Variants in BRIP1 observed in about 807,000 individuals in gnomAD.
BRIP1 encodes BRCA1 interacting DNA helicase 1.
Under a neutral mutation model 119.7 loss-of-function variants are expected in BRIP1, and 88 were observed. That is an observed-to-expected ratio of 0.74 (90% CI 0.62 to 0.88). The LOEUF (loss-of-function observed/expected upper bound fraction) is 0.88. Among genes scored for constraint, BRIP1 ranks in the 40% least tolerant of loss-of-function variants. The probability of loss-of-function intolerance (pLI) is 0.00; values close to 1 mark genes in which losing one functional copy is unlikely to be tolerated. For synonymous variants in BRIP1, 443 were observed against 496.5 expected, an observed-to-expected ratio of 0.89 and a Z score of 1.43; for missense variants, 1,259 against 1,455.4, an observed-to-expected ratio of 0.87 and a Z score of 2.20.
rs730881623 is a variant in BRIP1 at position 61,849,242 on chromosome 17, T to A, written c.394A>T (p.Thr132Ser). 3.2e-5 allele frequency: 51 copies of A among 1,612,644 alleles called. No homozygotes were observed. Among genetic ancestry groups the A allele is most frequent in the Admixed American group, 5.0e-5 (3 of 59,934 alleles). ...SSTCQDSPEK[T>S]TLAAKLSAKK... The stretch of plus-strand genomic sequence containing the variant: ...GCAGATAACTTTGCAGCCAGAGTGG[T>A]TTTTTCAGGGGAGTCTTATATAAGT... Residue 132 changes from threonine to serine, a missense_variant, in exon 5 of 20, where the codon ACC (threonine) becomes TCC (serine). This residue lies in a region of BRIP1 where 501 missense variants were observed against 544.0 expected (regional missense o/e 0.92). Coordinates refer to ENST00000259008, the MANE Select transcript of BRIP1 (RefSeq NM_032043.3).
At position 61,789,208 on chromosome 17, in the gene BRIP1, A is replaced by T. The variant is rs1346317267; in HGVS notation, c.1473+4389T>A. Reference sequence around the variant, plus strand: ...CTTAAGACCAGAAATCCAAGGTTACAGTGAGCTATGAATGCACCATTGCAC... The same window carrying T: ...CTTAAGACCAGAAATCCAAGGTTACTGTGAGCTATGAATGCACCATTGCAC... On this transcript the variant is annotated intron_variant, in intron 10 of 19. Coordinates refer to ENST00000259008, the MANE Select transcript of BRIP1 (RefSeq NM_032043.3). This position sits in a 1 kb window ranked among gnomAD's most constrained non-coding sequence, Gnocchi z 4.8. Among the ~76,000 whole-genome samples, 1 of 152,096 alleles carries T rather than the reference A, an allele frequency of 6.6e-6. No homozygotes were observed. The highest frequency in any genetic ancestry group is 2.4e-5 in the African/African-American group (1 of 41,406).
Position 61,810,337 on chromosome 17 carries a change from G to C in BRIP1, c.628-1580C>G, listed in dbSNP as rs571881329. ...TATGTTGCAATATCCAACAATTTAC[G>C]GTCACAGAGAAAATGGAATGCAAAT... On this transcript the variant is annotated intron_variant, in intron 6 of 19. Transcript: ENST00000259008. This position sits in a 1 kb window ranked among gnomAD's most constrained non-coding sequence, Gnocchi z 4.7. 6.6e-6 allele frequency among the ~76,000 whole-genome samples: 1 copy of C among 152,050 alleles called. No individual in the cohort carries two copies.
chr17:61,802,157 A>C lies in BRIP1; in HGVS notation c.919-683T>G, dbSNP rs1383751941. ...CATGTGTATATAAGGATATCTCTAC[A>C]ATGTGACCCAATATTAAAATAACAA... On this transcript the variant is annotated intron_variant, in intron 7 of 19. Coordinates refer to ENST00000259008, the MANE Select transcript of BRIP1 (RefSeq NM_032043.3). This position sits in a 1 kb window ranked among gnomAD's most constrained non-coding sequence, Gnocchi z 6.0. Among the ~76,000 whole-genome samples, 1 of 152,166 alleles carries C rather than the reference A, an allele frequency of 6.6e-6. No individual in the cohort carries two copies. The highest frequency in any genetic ancestry group is 1.5e-5 in the Non-Finnish European group (1 of 68,038).
Position 61,767,856 on chromosome 17 carries a change from C to T in BRIP1, c.2097+8545G>A, listed in dbSNP as rs1174703153. Reference sequence around the variant, plus strand: ...CTTTGCTAATACATGTCTCCTTGGTCCAGAATATTATATTCCTCACTCCCA... The same window carrying T: ...CTTTGCTAATACATGTCTCCTTGGTTCAGAATATTATATTCCTCACTCCCA... On this transcript the variant is annotated intron_variant, in intron 14 of 19. Coordinates refer to ENST00000259008, the MANE Select transcript of BRIP1 (RefSeq NM_032043.3). The surrounding 1 kb of genome is among the most constrained non-coding windows in gnomAD (Gnocchi z 5.7). 6.6e-6 allele frequency among the ~76,000 whole-genome samples: 1 copy of T among 152,146 alleles called. No homozygotes were observed. The highest frequency in any genetic ancestry group is 1.5e-5 in the Non-Finnish European group (1 of 68,012).
At chr17:61,859,643 C>CT (rs1486049941) in intron 3 of BRIP1, among the ~76,000 whole-genome samples, 153 bp downstream of exon 3, 1 of 152,200 alleles carries the variant, frequency 6.6e-6, no homozygotes, top group Non-Finnish European at 1.5e-5. Context: ...TATTGAAACT[C>CT]TTTTGGAAGA....
At position 61,744,372 on chromosome 17, in the gene BRIP1, A is replaced by G; in HGVS notation, c.2257+60T>C. 1 of 1,525,598 alleles carries G rather than the reference A, an allele frequency of 6.6e-7. No homozygotes were observed. The highest frequency in any genetic ancestry group is 9.1e-7 in the Non-Finnish European group (1 of 1,102,374). The allele number at this position is 1,525,598 out of a possible 1,614,324, so 94.5% of individuals were successfully genotyped here. The stretch of plus-strand genomic sequence containing the variant: ...TCTAAAAATATAAAATTATAATTGT[A>G]CCTTCTTACTTTGTAATAAAAAATA... On this transcript the variant is annotated intron_variant, in intron 15 of 19. Transcript: ENST00000259008. This position sits in a 1 kb window ranked among gnomAD's most constrained non-coding sequence, Gnocchi z 5.0.
Position 61,856,251 on chromosome 17 carries a change from G to A in BRIP1, c.379+807C>T, listed in dbSNP as rs893390365. Among the ~76,000 whole-genome samples, 7 of 152,160 alleles carry A rather than the reference G, an allele frequency of 4.6e-5. No individual in the cohort carries two copies. Among genetic ancestry groups the A allele is most frequent in the East Asian group, 3.8e-4 (2 of 5,200 alleles). On this transcript the variant is annotated intron_variant, in intron 4 of 19. Coordinates refer to ENST00000259008, the MANE Select transcript of BRIP1 (RefSeq NM_032043.3). The surrounding 1 kb of genome is among the most constrained non-coding windows in gnomAD (Gnocchi z 5.1). ...CCTCTATATAGTCACATGCTTTAGA[G>A]GAAGCTGACTCCATCCTTGATTTTA...
At chr17:61,733,111 A>C (rs1464404968) in intron 16 of BRIP1, among the ~76,000 whole-genome samples, 1 of 152,248 alleles carries the variant, frequency 6.6e-6, no homozygotes, top group Non-Finnish European at 1.5e-5. Flanking sequence ...GATATACTAC[A>C]GTCCTTTGCA....
intron 7 of BRIP1, 124 bp from the exon 8 acceptor site, chr17:61,801,598 CA>C (rs1297498278): frequency 7.8e-6 from 7 of 891,948 alleles, no homozygotes; most frequent in Non-Finnish European, 1.2e-5. Context: ...CTGGCTACGC[CA>C]CCACACCTGG....
At chr17:61,826,731 T>TAAAAA (rs58466965) in intron 6 of BRIP1, among the ~76,000 whole-genome samples, 10 of 75,318 alleles carry the variant, frequency 1.3e-4, no homozygotes, top group East Asian at 4.8e-4. Context: ...TATTAAAAAG[T>TAAAAA]AAAAAAAAAA....
chr17:61,732,715 A>T (rs2076866322), intron 16 of BRIP1, among the ~76,000 whole-genome samples: 1 of 151,722 alleles, frequency 6.6e-6, no homozygotes, highest in African/African-American at 2.4e-5. Flanking sequence ...TTTTTGAGAC[A>T]GTGTCTTGCT....
rs573932475 is a variant in BRIP1 at position 61,684,216 on chromosome 17, A to T, written c.2906-76T>A. 1.3e-6 allele frequency: 2 copies of T among 1,491,730 alleles called. No individual in the cohort carries two copies. The highest frequency in any genetic ancestry group is 2.4e-5 in the South Asian group (2 of 82,304). The allele number at this position is 1,491,730 out of a possible 1,614,324, so 92.4% of individuals were successfully genotyped here. On this transcript the variant is annotated intron_variant, in intron 19 of 19. Transcript: ENST00000259008. The surrounding 1 kb of genome is among the most constrained non-coding windows in gnomAD (Gnocchi z 4.5). ...AATTGCTAGGTTAAAATAATTATTTATTAGAAATACCTAAATAACTGTATA... is the reference window on the plus strand; with the variant it reads ...AATTGCTAGGTTAAAATAATTATTTTTTAGAAATACCTAAATAACTGTATA...
intron 5 of BRIP1, 37 bp downstream of exon 5, chr17:61,849,092 C>A (rs375130843): frequency 6.2e-7 from 1 of 1,609,808 alleles, no homozygotes; most frequent in South Asian, 1.1e-5. Context: ...TCAGCTGTAA[C>A]TAACTGGGTT....
intron 6 of BRIP1, among the ~76,000 whole-genome samples, chr17:61,817,640 G>A (rs533410483): frequency 6.6e-6 from 1 of 152,210 alleles, no homozygotes; most frequent in African/African-American, 2.4e-5. Context: ...TAGCCGCATG[G>A]GCACTTGAAA....
intron 6 of BRIP1, among the ~76,000 whole-genome samples, chr17:61,839,177 T>A (rs1603357882): frequency 6.6e-6 from 1 of 152,052 alleles, no homozygotes; most frequent in Non-Finnish European, 1.5e-5. Context: ...AAATAATTAG[T>A]CCTTGTTCTC....
rs1476610584 is a variant in BRIP1, at chr17:61,757,207, C to T, written c.2098-12616G>A. 6.6e-6 allele frequency among the ~76,000 whole-genome samples: 1 copy of T among 151,976 alleles called. No homozygotes were observed. The highest frequency in any genetic ancestry group is 1.9e-4 in the East Asian group (1 of 5,196). On this transcript the variant is annotated intron_variant, in intron 14 of 19. Coordinates refer to ENST00000259008, the MANE Select transcript of BRIP1 (RefSeq NM_032043.3). The surrounding 1 kb of genome is among the most constrained non-coding windows in gnomAD (Gnocchi z 4.3). Reference sequence around the variant, plus strand: ...TTTTAGTTACAGTAAAAATGAATGTCCTTAATTTTTGCTAAATACAAACTG... The same window carrying T: ...TTTTAGTTACAGTAAAAATGAATGTTCTTAATTTTTGCTAAATACAAACTG...
Position 61,710,163 on chromosome 17 carries a change from TA to T in BRIP1, c.2492+5787del, listed in dbSNP as rs1171244798. Among the ~76,000 whole-genome samples, 1 of 152,076 alleles carries T rather than the reference TA, an allele frequency of 6.6e-6. No homozygotes were observed. Among genetic ancestry groups the T allele is most frequent in the East Asian group, 1.9e-4 (1 of 5,200 alleles). Reference sequence around the variant, plus strand: ...TAAAATGATAGCTGGGCTCTCCATTTAAAAAAATTAATAAAATTCTAAAAGT... The same window carrying T: ...TAAAATGATAGCTGGGCTCTCCATTTAAAAAATTAATAAAATTCTAAAAGT... On this transcript the variant is annotated intron_variant, in intron 17 of 19. Transcript: ENST00000259008. This position sits in a 1 kb window ranked among gnomAD's most constrained non-coding sequence, Gnocchi z 5.4.
Position 61,776,345 on chromosome 17 carries a change from TG to T in BRIP1, c.2097+55del. On this transcript the variant is annotated intron_variant, in intron 14 of 19. Transcript: ENST00000259008. The surrounding 1 kb of genome is among the most constrained non-coding windows in gnomAD (Gnocchi z 5.0). ...GGTAATTTTAAAATTAGCATGCCAATGTTTAAAATGTAAATGATTATTTAAA... is the reference window on the plus strand; with the variant it reads ...GGTAATTTTAAAATTAGCATGCCAATTTTAAAATGTAAATGATTATTTAAA... The T allele has an allele frequency of 6.3e-7, 1 of 1,593,162 alleles. No individual in the cohort carries two copies. Among genetic ancestry groups the T allele is most frequent in the East Asian group, 2.2e-5 (1 of 44,756 alleles).
intron 10 of BRIP1, among the ~76,000 whole-genome samples, chr17:61,791,132 T>C (rs2077809513): frequency 6.6e-6 from 1 of 152,144 alleles, no homozygotes; most frequent in South Asian, 2.1e-4. Flanking sequence ...TGTTGGCAAT[T>C]ATTTTCATCA....
Sources: allele counts gnomAD v4.1 joint callset (sites outside exome capture counted in the v4.1 genomes callset), GRCh38; gene constraint gnomAD v4.1.1; regional missense constraint gnomAD v4.1.1; non-coding constraint Gnocchi (gnomAD v3.1); transcripts MANE v1.5; gene names NCBI Gene and HGNC (gene_info 2026-07-23, HGNC 2026-07-21).